The following MKLN1 variants were observed in gnomAD, a reference collection of about 807,000 sequenced individuals.
The protein encoded by MKLN1 is muskelin.
A neutral mutation model predicts 99.0 loss-of-function variants in MKLN1; 18 were observed. The observed-to-expected ratio is 0.18, with a 90% confidence interval of 0.13 to 0.27. The LOEUF is 0.27. Ranked by LOEUF, MKLN1 falls within the 10% of genes least tolerant of loss-of-function variation. MKLN1 has a pLI of 1.00. For synonymous variants in MKLN1, 288 were observed against 293.2 expected (o/e 0.98, Z 0.18); for missense variants, 621 against 875.9 (o/e 0.71, Z 3.67).
intron 2 of MKLN1, among the ~76,000 whole-genome samples, chr7:131,195,284 G>A (rs996692475): frequency 6.6e-6 from 1 of 152,158 alleles, no homozygotes; most frequent in Admixed American, 6.5e-5. Flanking sequence ...ACCGAGGCGG[G>A]TGGATCACTT....
intron 2 of MKLN1, among the ~76,000 whole-genome samples, chr7:131,168,498 T>G (rs999954581): frequency 4.6e-5 from 7 of 152,206 alleles, no homozygotes; most frequent in South Asian, 2.1e-4. Context: ...TCTATTTTTC[T>G]CATCCTAGCT....
At position 131,340,148 on chromosome 7, in the gene MKLN1, G is replaced by T. The variant is rs1799363385; in HGVS notation, c.98+12151G>T. Among the ~76,000 whole-genome samples, 4 of 151,874 alleles carry T rather than the reference G, an allele frequency of 2.6e-5. No homozygotes were observed. The South Asian group carries it at 8.3e-4, about 32-fold the overall frequency. On this transcript the variant is annotated intron_variant, in intron 1 of 17. Transcript: ENST00000352689. ...TTATTCTCGAGCTATCAGCTAAAAT[G>T]TCACTTTCTCAGGAAATCCTGCCTG...
intron 3 of MKLN1, among the ~76,000 whole-genome samples, chr7:131,322,838 G>T (rs781622507): frequency 3.3e-5 from 5 of 152,000 alleles, no homozygotes; most frequent in Non-Finnish European, 5.9e-5. Flanking sequence ...CCAAAGTGCT[G>T]GGATTACAGG....
chr7:131,164,410 C>T (rs888648275), intron 2 of MKLN1, among the ~76,000 whole-genome samples: 7 of 152,132 alleles, frequency 4.6e-5, no homozygotes, highest in Non-Finnish European at 4.4e-5. Context: ...CTGCCACACC[C>T]GGCCACTTAT....
chr7:131,265,776 C>T (rs1489129388), intron 3 of MKLN1, among the ~76,000 whole-genome samples: 1 of 152,144 alleles, frequency 6.6e-6, no homozygotes, highest in Non-Finnish European at 1.5e-5. Flanking sequence ...CTCAATAAAG[C>T]CTGACCAAGT....
chr7:131,343,455 T>C (rs1032555290), intron 1 of MKLN1, among the ~76,000 whole-genome samples: 1 of 152,220 alleles, frequency 6.6e-6, no homozygotes, highest in Admixed American at 6.5e-5. Context: ...TTAAGATTTA[T>C]TTTATAGTTA....
intron 3 of MKLN1, among the ~76,000 whole-genome samples, chr7:131,317,174 C>T (rs112452473): frequency 0.067 from 10,113 of 151,954 alleles, 406 homozygotes; most frequent in East Asian, 0.16. Context: ...AACATTGAAA[C>T]GAAGGAAAAA....
Position 131,355,824 on chromosome 7 carries a change from C to T in MKLN1, c.99-19600C>T, listed in dbSNP as rs527823920. Among the ~76,000 whole-genome samples the T allele has an allele frequency of 1.5e-3, 227 of 151,454 alleles. 3 individuals are homozygous for T. Among genetic ancestry groups the T allele is most frequent in the African/African-American group, 5.2e-3 (214 of 41,350 alleles). ...TATAGGTGTGAGCCACCACACCCAG[C>T]CTTGATATTTTTTTCTAACTAAATT... On this transcript the variant is annotated intron_variant, in intron 1 of 17. Transcript: ENST00000352689.
chr7:131,405,032 A>T lies in MKLN1; in HGVS notation c.703+5599A>T, dbSNP rs372667113. Among the ~76,000 whole-genome samples the T allele has an allele frequency of 5.0e-4, 76 of 152,314 alleles. No homozygotes were observed. The East Asian group carries it at 0.01, about 21-fold the overall frequency. On this transcript the variant is annotated intron_variant, in intron 6 of 17. Coordinates refer to ENST00000352689, the MANE Select transcript of MKLN1 (RefSeq NM_013255.5). The stretch of plus-strand genomic sequence containing the variant: ...ACCTATCAGTTTAATTTCTTTAAAC[A>T]TCATAGGACTAATCAGAGTTGTTAA...
intron 17 of MKLN1, among the ~76,000 whole-genome samples, chr7:131,482,350 A>G (rs1797147887): frequency 6.6e-6 from 1 of 152,122 alleles, no homozygotes; most frequent in South Asian, 2.1e-4. Flanking sequence ...ATGCACAACC[A>G]TGCTGAGCTA....
intron 4 of MKLN1, among the ~76,000 whole-genome samples, chr7:131,394,811 T>C (rs1794308296): frequency 6.6e-6 from 1 of 152,080 alleles, no homozygotes; most frequent in Admixed American, 6.5e-5. Context: ...CATTATTGAT[T>C]CTGAAACTGC....
chr7:131,386,026 T>C (rs559776446), intron 2 of MKLN1, among the ~76,000 whole-genome samples: 1 of 151,500 alleles, frequency 6.6e-6, no homozygotes, highest in Admixed American at 6.6e-5. Context: ...TTTTTTTTTT[T>C]TTTTTGAGCT....
At chr7:131,400,518 A>AAAATATATAT (rs527702723) in intron 6 of MKLN1, among the ~76,000 whole-genome samples, 99 of 137,426 alleles carry the variant, frequency 7.2e-4, no homozygotes, top group South Asian at 2.3e-3. Flanking sequence ...ATAAAAAAAA[A>AAAATATATAT]ATATATATAT....
intron 4 of MKLN1, among the ~76,000 whole-genome samples, chr7:131,390,081 C>T (rs554920774): frequency 5.9e-5 from 9 of 152,194 alleles, no homozygotes; most frequent in Admixed American, 3.3e-4. Flanking sequence ...GCCAATCTAT[C>T]AAGAGTTGCT....
chr7:131,421,458 G>A (rs1470877462), intron 8 of MKLN1, among the ~76,000 whole-genome samples: 1 of 152,126 alleles, frequency 6.6e-6, no homozygotes, highest in Non-Finnish European at 1.5e-5. Flanking sequence ...TAAGTTTGTG[G>A]GAAGGAGAGT....
chr7:131,167,555 G>A (rs532527148), intron 2 of MKLN1, among the ~76,000 whole-genome samples: 13 of 151,576 alleles, frequency 8.6e-5, no homozygotes, highest in African/African-American at 2.4e-4. Context: ...ATCTGTGGTC[G>A]CAGCTACTCA....
At chr7:131,388,845 T>A in intron 3 of MKLN1, 39 bp from the exon 4 acceptor site, 1 of 1,376,936 alleles carries the variant, frequency 7.3e-7, no homozygotes, top group African/African-American at 1.4e-5. Flanking sequence ...TTTACTAAAT[T>A]ATGAAGTCAG....
At chr7:131,321,068 A>G (rs1282465957) in intron 3 of MKLN1, among the ~76,000 whole-genome samples, 1 of 152,194 alleles carries the variant, frequency 6.6e-6, no homozygotes, top group African/African-American at 2.4e-5. Context: ...TGACCCAGCA[A>G]TCCCATTACT....
chr7:131,188,580 A>C (rs1190225100), intron 2 of MKLN1, among the ~76,000 whole-genome samples: 1 of 152,302 alleles, frequency 6.6e-6, no homozygotes, highest in South Asian at 2.1e-4. Context: ...CGAAGCACAC[A>C]CTTGAGGCTT....
Sources: allele counts gnomAD v4.1 joint callset (sites outside exome capture counted in the v4.1 genomes callset), GRCh38; gene constraint gnomAD v4.1.1; transcripts MANE v1.5; gene names NCBI Gene and HGNC (gene_info 2026-07-23, HGNC 2026-07-21).